The following CLIP2 variants were observed in gnomAD, a reference collection of about 807,000 sequenced individuals.
CLIP2 encodes CAP-Gly domain-containing linker protein 2.
A neutral mutation model predicts 111.7 loss-of-function variants in CLIP2; 41 were observed. The ratio of observed to expected loss-of-function variants is 0.37; its 90% CI spans 0.29 to 0.48. The LOEUF (loss-of-function observed/expected upper bound fraction) is 0.48. Among genes scored for constraint, CLIP2 ranks in the 20% least tolerant of loss-of-function variants. CLIP2 has a pLI of 0.99. For synonymous variants in CLIP2, 660 were observed against 644.2 expected (o/e 1.02, Z -0.37); for missense variants, 1,160 against 1,422.1 (o/e 0.82, Z 2.96).
Position 74,336,464 on chromosome 7 carries a change from C to T in CLIP2, c.122-1984C>T, listed in dbSNP as rs546570331. On this transcript the variant is annotated intron_variant, in intron 2 of 16. Coordinates refer to ENST00000223398, the MANE Select transcript of CLIP2 (RefSeq NM_003388.5). ...CAATCATGGTAGAAGGCAAAAGGCA[C>T]GTCTTACATGGCGGCAGACAAGAGA... is the stretch of plus-strand genomic sequence containing the variant. Among the ~76,000 whole-genome samples the T allele has an allele frequency of 3.1e-4, 47 of 152,020 alleles. No homozygotes were observed. In the South Asian group the frequency reaches 4.2e-3, roughly 13 times the overall value.
intron 1 of CLIP2, among the ~76,000 whole-genome samples, chr7:74,297,809 G>A (rs1368473209): frequency 1.3e-5 from 2 of 151,824 alleles, no homozygotes; most frequent in African/African-American, 2.4e-5. Context: ...AGCGGAGGAG[G>A]GCATTTTTTT....
chr7:74,309,130 A>G (rs1486706606), intron 1 of CLIP2, among the ~76,000 whole-genome samples: 1 of 151,860 alleles, frequency 6.6e-6, no homozygotes, highest in East Asian at 2.0e-4. Flanking sequence ...CGGCCTCCCA[A>G]AGTGCTGGGA....
chr7:74,393,217 A>C (rs1314027319), intron 13 of CLIP2, among the ~76,000 whole-genome samples: 1 of 150,626 alleles, frequency 6.6e-6, no homozygotes, highest in Non-Finnish European at 1.5e-5. Flanking sequence ...TAGTAGGGAC[A>C]GGGTTTCACT....
chr7:74,361,374 G>A (rs1298774471), intron 7 of CLIP2, among the ~76,000 whole-genome samples: 1 of 151,518 alleles, frequency 6.6e-6, no homozygotes, highest in Non-Finnish European at 1.5e-5. Flanking sequence ...TGGCCACCAA[G>A]CCCTGCTAAT....
chr7:74,384,448 T>C (rs1490209130), intron 11 of CLIP2, among the ~76,000 whole-genome samples: 1 of 139,994 alleles, frequency 7.1e-6, no homozygotes, highest in Non-Finnish European at 1.5e-5. Flanking sequence ...ATGATTTTTT[T>C]TTTTTTTTTT....
At chr7:74,379,374 G>A (rs1208749627) in intron 10 of CLIP2, among the ~76,000 whole-genome samples, 2 of 151,666 alleles carry the variant, frequency 1.3e-5, no homozygotes, top group Non-Finnish European at 2.9e-5. Flanking sequence ...TATACACTGG[G>A]GCTTAGTCTA....
At chr7:74,356,331 TGAAGAGGCA>T in intron 4 of CLIP2, 70 bp from the exon 5 acceptor site, 2 of 1,188,138 alleles carry the variant, frequency 1.7e-6, no homozygotes, top group Non-Finnish European at 2.5e-6. Context: ...TGCCAGGCTC[TGAAGAGGCA>T]GAGGAGGCAG....
chr7:74,396,304 G>A (rs1423888022), intron 13 of CLIP2, among the ~76,000 whole-genome samples: 2 of 152,132 alleles, frequency 1.3e-5, no homozygotes, highest in African/African-American at 4.8e-5. Flanking sequence ...GCTCAAACTT[G>A]TAATCCCAGC....
At position 74,364,265 on chromosome 7, in the gene CLIP2, G is replaced by A; in HGVS notation, c.1330G>A (p.Asp444Asn). The A allele has an allele frequency of 6.2e-7, 1 of 1,613,622 alleles. No homozygotes were observed. The highest frequency in any genetic ancestry group is 8.5e-7 in the Non-Finnish European group (1 of 1,179,808). The change falls in exon 8 of 17, where the codon GAT becomes AAT. Residue 444 changes from aspartate to asparagine, a missense_variant. By Grantham distance (23) the Asp-to-Asn change is conservative (BLOSUM62 1). Around this residue, in one of 5 missense-constraint regions of CLIP2, gnomAD observed 70 missense variants for 114.9 expected, o/e 0.61. Coordinates refer to ENST00000223398, the MANE Select transcript of CLIP2 (RefSeq NM_003388.5). ...TTCCCTCCCCTGCAGGAAGGTGGAGGATCTGCAGTTCCGCGTGGAGGAGGA... is the reference window on the plus strand; with the variant it reads ...TTCCCTCCCCTGCAGGAAGGTGGAGAATCTGCAGTTCCGCGTGGAGGAGGA... ...QLEEERRKVE[D>N]LQFRVEEESI...
At chr7:74,400,222 C>T in intron 14 of CLIP2, 148 bp from the exon 15 acceptor site, 2 of 586,294 alleles carry the variant, frequency 3.4e-6, no homozygotes, top group Non-Finnish European at 2.9e-6. Flanking sequence ...TGGAGCACCT[C>T]ACAGAGGCCT....
chr7:74,329,706 C>T (rs1367471628), intron 2 of CLIP2, among the ~76,000 whole-genome samples: 1 of 87,730 alleles, frequency 1.1e-5, no homozygotes, highest in African/African-American at 3.0e-5. Context: ...GAGTTCATCA[C>T]ACATTCACTT....
rs782321095 is a variant in CLIP2 at position 74,372,955 on chromosome 7, G to A, written c.1404G>A (p.Ala468=). The part of the protein sequence containing the change: ...DLETQTQLEH[A]RIGELEQSLL... Reference sequence around the variant, plus strand: ...AGACCCAGACGCAGCTGGAGCACGCGCGCATTGGGGAGCTGGAACAGAGCC... The same window carrying A: ...AGACCCAGACGCAGCTGGAGCACGCACGCATTGGGGAGCTGGAACAGAGCC... Residue 468 remains alanine, a synonymous_variant, in exon 9 of 17, where the codon GCG becomes GCA. Transcript: ENST00000223398. 7.9e-6 allele frequency: 11 copies of A among 1,391,864 alleles called. No individual in the cohort carries two copies. The highest frequency in any genetic ancestry group is 2.0e-4 in the Middle Eastern group (1 of 4,898). The allele number at this position is 1,391,864 out of a possible 1,614,324, so 86.2% of individuals were successfully genotyped here.
At chr7:74,360,101 CCCA>C in intron 6 of CLIP2, 71 bp from the exon 7 acceptor site, 1 of 1,281,440 alleles carries the variant, frequency 7.8e-7, no homozygotes, top group East Asian at 2.6e-5. Flanking sequence ...TTGCCTGTCT[CCCA>C]CCACACCACC....
Position 74,338,812 on chromosome 7 carries a change from G to A in CLIP2, c.486G>A (p.Glu162=). Residue 162 remains glutamate (E), a synonymous_variant, in exon 3 of 17, where the codon GAG becomes GAA. Transcript: ENST00000223398. The surrounding 1 kb of genome is among the most constrained non-coding windows in gnomAD (Gnocchi z 4.3). ...CGGGGAGTGATGCCCACTCCGTGGA[G>A]TCGCTGACTGCCCAGAACCTGTCAT... The part of the protein sequence containing the change: ...EGSGSDAHSV[E]SLTAQNLSLH... 1 of 1,611,322 alleles carries A rather than the reference G, an allele frequency of 6.2e-7. No homozygotes were observed. The highest frequency in any genetic ancestry group is 1.3e-5 in the African/African-American group (1 of 75,060).
chr7:74,313,245 C>T (rs1788687067), intron 1 of CLIP2, among the ~76,000 whole-genome samples: 1 of 151,824 alleles, frequency 6.6e-6, no homozygotes. Context: ...GTTGAGGCTG[C>T]AGTGAGCTGA....
intron 8 of CLIP2, among the ~76,000 whole-genome samples, chr7:74,364,518 G>GT (rs1790421648): frequency 6.6e-6 from 1 of 152,180 alleles, no homozygotes; most frequent in Admixed American, 6.5e-5. Flanking sequence ...TGTGCTCCCC[G>GT]TGTCAGCAGC....
intron 13 of CLIP2, 157 bp downstream of exon 13, chr7:74,389,416 C>T (rs868984027): frequency 2.9e-5 from 20 of 690,200 alleles, no homozygotes; most frequent in Middle Eastern, 4.1e-4. Flanking sequence ...CTCTAAGCTC[C>T]GATAAAGTCT....
At chr7:74,370,355 C>T (rs1790582743) in intron 8 of CLIP2, among the ~76,000 whole-genome samples, 1 of 150,044 alleles carries the variant, frequency 6.7e-6, no homozygotes, top group Admixed American at 6.7e-5. Context: ...ACTCGGGAGG[C>T]TGAGGCAGGA....
Position 74,356,718 on chromosome 7 carries a change from C to T in CLIP2, c.1017+95C>T, listed in dbSNP as rs112242231. 1.6e-3 allele frequency: 1,855 copies of T among 1,164,724 alleles called. 6 individuals carry two copies. The highest frequency in any genetic ancestry group is 0.011 in the Middle Eastern group (45 of 4,050). 72.1% of individuals were successfully genotyped at this position (1,164,724 alleles called of 1,614,324 possible). A position where few individuals can be genotyped will look rare whatever the true frequency, so the allele number is the denominator to read the frequency against. On this transcript the variant is annotated intron_variant, in intron 5 of 16. Coordinates refer to ENST00000223398, the MANE Select transcript of CLIP2 (RefSeq NM_003388.5). ...GGTGTTCTGGTCTGCCCCTGACTTA[C>T]TCTAGTTCCAGTTTGGGATTTTTGA...
Sources: allele counts gnomAD v4.1 joint callset (sites outside exome capture counted in the v4.1 genomes callset), GRCh38; gene constraint gnomAD v4.1.1; regional missense constraint gnomAD v4.1.1; non-coding constraint Gnocchi (gnomAD v3.1); transcripts MANE v1.5; gene names NCBI Gene and HGNC (gene_info 2026-07-23, HGNC 2026-07-21).